Variants in TSGA13 observed in about 807,000 individuals in gnomAD.
TSGA13 encodes the protein testis specific 13.
A neutral mutation model predicts 35.1 loss-of-function variants in TSGA13; 37 were observed. That is an observed-to-expected ratio of 1.05 (90% CI 0.81 to 1.39). The LOEUF (loss-of-function observed/expected upper bound fraction) is 1.39. Ranked by LOEUF, TSGA13 falls within the 40% of genes most tolerant of loss-of-function variation. TSGA13 has a pLI of 0.00. For missense variants in TSGA13, 338 were observed against 328.5 expected (o/e 1.03, Z -0.22); for synonymous variants, 124 against 121.2 (o/e 1.02, Z -0.15).
In TSGA13 at chr7:130,679,231, G is replaced by A. The variant is rs1428239444; in HGVS notation, c.311C>T (p.Pro104Leu). The A allele has an allele frequency of 2.5e-6, 4 of 1,614,132 alleles. No homozygotes were observed. Among genetic ancestry groups the A allele is most frequent in the Non-Finnish European group, 3.4e-6 (4 of 1,180,016 alleles). ...KTLLIMTNNP[P>L]PCSITQQDKE... is the part of the protein sequence containing the mutation. Reference sequence around the variant, plus strand: ...GTCTTGCTGGGTGATTGAGCAGGGAGGTGGGTTGTTGGTCATAATCAGTAA... The same window carrying A: ...GTCTTGCTGGGTGATTGAGCAGGGAAGTGGGTTGTTGGTCATAATCAGTAA... The change falls in exon 5 of 8, where the codon CCT becomes CTT. Residue 104 changes from proline (P) to leucine (L), a missense_variant. Coordinates refer to ENST00000356588, the MANE Select transcript of TSGA13 (RefSeq NM_052933.4).
Position 130,679,368 on chromosome 7 carries a change from C to T in TSGA13, c.175-1G>A, listed in dbSNP as rs782491364. Reference sequence around the variant, plus strand: ...CCTTCAAAGGCTTATAGTACTGGGCCTGAACAGACAGAAAGGTTTCCAGAG... The same window carrying T: ...CCTTCAAAGGCTTATAGTACTGGGCTTGAACAGACAGAAAGGTTTCCAGAG... On this transcript the variant is annotated splice_acceptor_variant, in intron 4 of 7. Transcript: ENST00000356588. LOFTEE classifies it high-confidence loss of function. The T allele has an allele frequency of 2.5e-6, 4 of 1,606,310 alleles. No individual in the cohort carries two copies. The Admixed American group carries it at 6.9e-5, about 28-fold the overall frequency.
chr7:130,669,385 C>A lies in TSGA13; in HGVS notation c.659-202G>T, dbSNP rs138534538. Among the ~76,000 whole-genome samples, 138 of 152,316 alleles carry A rather than the reference C, an allele frequency of 9.1e-4. 1 individual carries two copies. Among genetic ancestry groups the A allele is most frequent in the African/African-American group, 3.1e-3 (127 of 41,580 alleles). Reference sequence around the variant, plus strand: ...TTTCATCAAAACCCAGTGGAAAATTCATTGCCAGTTTAGAGTCTTCCTTGT... The same window carrying A: ...TTTCATCAAAACCCAGTGGAAAATTAATTGCCAGTTTAGAGTCTTCCTTGT... On this transcript the variant is annotated intron_variant, in intron 7 of 7. Transcript: ENST00000356588.
chr7:130,669,163 C>A lies in TSGA13; in HGVS notation c.679G>T (p.Glu227Ter). 1 of 1,614,206 alleles carries A rather than the reference C, an allele frequency of 6.2e-7. No homozygotes were observed. The highest frequency in any genetic ancestry group is 1.1e-5 in the South Asian group (1 of 91,084). The change falls in exon 8 of 8, where the codon GAA (glutamate) becomes TAA (stop). Residue 227 changes from glutamate (E) to a stop codon, truncating the protein, a stop_gained. Transcript: ENST00000356588. LOFTEE classifies it high-confidence loss of function. ...CGAATCACTTTGGAAATTGGCCTTT[C>A]ACTCGCTGACTTCTTGGAAGCTACG... is the stretch of plus-strand genomic sequence containing the variant. Reference protein sequence around the residue: ...RKDASKKSASERPISKVIREP... With the variant: ...RKDASKKSAS
intron 1 of TSGA13, among the ~76,000 whole-genome samples, 198 bp downstream of exon 1, chr7:130,686,064 T>G (rs149514456): frequency 7.9e-5 from 12 of 152,238 alleles, no homozygotes; most frequent in African/African-American, 2.6e-4. Flanking sequence ...AAGTAGAACT[T>G]TGAAAAGACC....
At position 130,669,128 on chromosome 7, in the gene TSGA13, C is replaced by T; in HGVS notation, c.714G>A (p.Leu238=). ...TGTCTTCCAAGAGCGATGCGAGTGTCAGTGGTTCCCGAATCACTTTGGAAA... is the reference window on the plus strand; with the variant it reads ...TGTCTTCCAAGAGCGATGCGAGTGTTAGTGGTTCCCGAATCACTTTGGAAA... ...RPISKVIREP[L]TLASLLEDMP... The change falls in exon 8 of 8, where the codon CTG becomes CTA. Residue 238 remains leucine (L), a synonymous_variant. Coordinates refer to ENST00000356588, the MANE Select transcript of TSGA13 (RefSeq NM_052933.4). 1 of 1,614,198 alleles carries T rather than the reference C, an allele frequency of 6.2e-7. No individual in the cohort carries two copies. Among genetic ancestry groups the T allele is most frequent in the Non-Finnish European group, 8.5e-7 (1 of 1,180,028 alleles).
At chr7:130,670,306 T>A (rs1796233313) in intron 7 of TSGA13, among the ~76,000 whole-genome samples, 1 of 152,258 alleles carries the variant, frequency 6.6e-6, no homozygotes, top group African/African-American at 2.4e-5. Flanking sequence ...GCCTTCGGTA[T>A]CAGGACTATT....
intron 1 of TSGA13, 97 bp from the exon 2 acceptor site, chr7:130,685,457 C>T: frequency 8.5e-7 from 1 of 1,176,540 alleles, no homozygotes; most frequent in Non-Finnish European, 1.1e-6. Flanking sequence ...AAATTTATTT[C>T]ACAAACGGGG....
intron 4 of TSGA13, among the ~76,000 whole-genome samples, chr7:130,679,866 T>A (rs1554464809): frequency 1.3e-5 from 2 of 152,138 alleles, no homozygotes; most frequent in East Asian, 3.9e-4. Flanking sequence ...TCTCAGTCCC[T>A]CTCTTCCCTT....
rs782044315 is a variant in TSGA13, at chr7:130,669,189, A to AC, written c.659-7dup. On this transcript the variant is annotated splice_region_variant and splice_polypyrimidine_tract_variant and intron_variant, in intron 7 of 7. Transcript: ENST00000356588. Reference sequence around the variant, plus strand: ...ACTCGCTGACTTCTTGGAAGCTACGACAAAGCACAGGCACCCTGGTGAATG... The same window carrying AC: ...ACTCGCTGACTTCTTGGAAGCTACGACCAAAGCACAGGCACCCTGGTGAATG... The AC allele has an allele frequency of 6.2e-7, 1 of 1,614,202 alleles. No individual in the cohort carries two copies. The highest frequency in any genetic ancestry group is 8.5e-7 in the Non-Finnish European group (1 of 1,180,032).
intron 5 of TSGA13, among the ~76,000 whole-genome samples, chr7:130,677,252 A>G (rs1461815463): frequency 6.6e-6 from 1 of 152,084 alleles, no homozygotes; most frequent in East Asian, 1.9e-4. Flanking sequence ...CTAATGATTT[A>G]GTTCAGGTCT....
chr7:130,679,857 C>T (rs1554464803), intron 4 of TSGA13, among the ~76,000 whole-genome samples: 1 of 152,218 alleles, frequency 6.6e-6, no homozygotes, highest in African/African-American at 2.4e-5. Flanking sequence ...GTCTGAAGCT[C>T]TCAGTCCCTC....
intron 6 of TSGA13, among the ~76,000 whole-genome samples, chr7:130,672,330 C>T (rs1481856863): frequency 2.0e-5 from 3 of 152,186 alleles, no homozygotes; most frequent in Non-Finnish European, 4.4e-5. Flanking sequence ...TGGAGGAACT[C>T]CAGAATCTCT....
At chr7:130,676,281 T>G (rs1796410481) in intron 5 of TSGA13, among the ~76,000 whole-genome samples, 1 of 152,362 alleles carries the variant, frequency 6.6e-6, no homozygotes, top group Middle Eastern at 3.4e-3. Flanking sequence ...TGTTCCAGTC[T>G]GATAGCCCCA....
intron 5 of TSGA13, among the ~76,000 whole-genome samples, chr7:130,673,671 C>G (rs1404897705): frequency 6.6e-6 from 1 of 152,030 alleles, no homozygotes; most frequent in Non-Finnish European, 1.5e-5. Flanking sequence ...CATTGGGTTC[C>G]TTTTTCTTTT....
At chr7:130,675,524 C>T (rs147707529) in intron 5 of TSGA13, among the ~76,000 whole-genome samples, 1,970 of 152,290 alleles carry the variant, frequency 0.013, 19 homozygotes, top group South Asian at 0.04. Context: ...GCTAGGACTA[C>T]AGGCATGTGC....
intron 2 of TSGA13, among the ~76,000 whole-genome samples, chr7:130,683,975 C>T (rs17165062): frequency 0.027 from 4,130 of 152,226 alleles, 179 homozygotes; most frequent in African/African-American, 0.094. Flanking sequence ...AGTGCTCTAA[C>T]GACTGCTTAA....
intron 5 of TSGA13, among the ~76,000 whole-genome samples, chr7:130,676,679 A>G (rs1796416906): frequency 6.6e-6 from 1 of 152,172 alleles, no homozygotes; most frequent in South Asian, 2.1e-4. Context: ...CACTTGAAGG[A>G]GAATCTCTCA....
Position 130,668,753 on chromosome 7 carries a change from G to A in TSGA13, c.*261C>T, listed in dbSNP as rs1222881984. ...AGCGGAAGAGGCTGCAGGAAGGCCGGCCCCGCGCTCTCACGCCGGTTGGGC... is the reference window on the plus strand; with the variant it reads ...AGCGGAAGAGGCTGCAGGAAGGCCGACCCCGCGCTCTCACGCCGGTTGGGC... On this transcript the variant is annotated 3_prime_UTR_variant, in exon 8 of 8. Coordinates refer to ENST00000356588, the MANE Select transcript of TSGA13 (RefSeq NM_052933.4). The A allele has an allele frequency of 1.7e-5, 24 of 1,452,730 alleles. No homozygotes were observed. Among genetic ancestry groups the A allele is most frequent in the Non-Finnish European group, 2.1e-5 (23 of 1,087,294 alleles). The allele number at this position is 1,452,730 out of a possible 1,614,324, so 90.0% of individuals were successfully genotyped here.
intron 3 of TSGA13, 124 bp from the exon 4 acceptor site, chr7:130,681,141 A>C: frequency 1.3e-6 from 1 of 776,668 alleles, no homozygotes; most frequent in Non-Finnish European, 2.1e-6. Context: ...AAGTTAGAGA[A>C]GTACAGTTAG....
Sources: gnomAD v4.1 joint callset for allele counts (sites outside exome capture counted in the v4.1 genomes callset) on GRCh38, gnomAD v4.1.1 for gene constraint, MANE v1.5 for transcripts, NCBI Gene and HGNC (gene_info 2026-07-23, HGNC 2026-07-21) for gene names.